CFAP70: variants seen among roughly 807,000 people sequenced by gnomAD.
The protein encoded by CFAP70 is cilia- and flagella-associated protein 70.
CFAP70 carries 81 observed loss-of-function variants against 137.6 expected under a neutral mutation model. That is an observed-to-expected ratio of 0.59 (90% CI 0.49 to 0.71). The LOEUF (loss-of-function observed/expected upper bound fraction) is 0.71, where lower values mean the gene tolerates loss of function less well. CFAP70 is among the 30% of genes least tolerant of loss of function. The pLI is 0.00. For synonymous variants in CFAP70, 382 were observed against 423.6 expected (o/e 0.90, Z 1.20); for missense variants, 976 against 1,226.7 (o/e 0.80, Z 3.05).
chr10:73,325,330 A>C (rs2051298469), intron 8 of CFAP70, among the ~76,000 whole-genome samples: 1 of 152,176 alleles, frequency 6.6e-6, no homozygotes, highest in African/African-American at 2.4e-5. Context: ...AGAGCTCCTG[A>C]AGGAAGCACT....
At chr10:73,345,841 G>C (rs1407391506) in intron 4 of CFAP70, among the ~76,000 whole-genome samples, 1 of 151,992 alleles carries the variant, frequency 6.6e-6, no homozygotes, top group East Asian at 1.9e-4. Context: ...ACATGAGTAA[G>C]TGAGATTGGG....
chr10:73,254,283 C>T (rs999861548), intron 26 of CFAP70: 11 of 355,280 alleles, frequency 3.1e-5, no homozygotes, highest in South Asian at 1.4e-4. Flanking sequence ...GCACTATGCA[C>T]GGTCATGATT....
intron 19 of CFAP70, among the ~76,000 whole-genome samples, chr10:73,287,131 C>A (rs565436606): frequency 5.0e-4 from 76 of 152,248 alleles, no homozygotes; most frequent in Admixed American, 4.7e-3. Context: ...GATTTGGGGG[C>A]CTGTTCCCAA....
At chr10:73,289,710 A>G (rs2048022804) in intron 19 of CFAP70, among the ~76,000 whole-genome samples, 1 of 152,182 alleles carries the variant, frequency 6.6e-6, no homozygotes, top group Admixed American at 6.5e-5. Flanking sequence ...AAATAAACAA[A>G]ATGCAAGTTG....
At chr10:73,359,050 A>G (rs145445569), upstream of CFAP70, among the ~76,000 whole-genome samples, 64 of 152,358 alleles carry the variant, frequency 4.2e-4, no homozygotes, top group African/African-American at 1.5e-3. Flanking sequence ...AGTTTAAAGA[A>G]AAAGGCCTTT....
chr10:73,345,004 G>A, intron 5 of CFAP70, 61 bp downstream of exon 6: 1 of 1,378,832 alleles, frequency 7.3e-7, no homozygotes, highest in Non-Finnish European at 1.0e-6. Context: ...GTGAGGAAGA[G>A]ATGGCCATAT....
chr10:73,335,298 A>C (rs2052539077), intron 7 of CFAP70, 132 bp downstream of exon 8: 2 of 583,218 alleles, frequency 3.4e-6, no homozygotes, highest in Non-Finnish European at 6.1e-6. Flanking sequence ...TCTAATATAT[A>C]GATGTGATAA....
At chr10:73,279,416 C>T (rs1383605823) in intron 19 of CFAP70, among the ~76,000 whole-genome samples, 1 of 151,422 alleles carries the variant, frequency 6.6e-6, no homozygotes, top group South Asian at 2.1e-4. Context: ...CCCAGCTACT[C>T]GGGAAGCTGA....
upstream of CFAP70, among the ~76,000 whole-genome samples, chr10:73,359,372 GCAGT>G (rs2054910723): frequency 6.6e-6 from 1 of 152,132 alleles, no homozygotes; most frequent in Admixed American, 6.6e-5. Flanking sequence ...CATATTACAA[GCAGT>G]CAAAGTTAAT....
exon 6 of CFAP70, chr10:73,341,465 G>C (rs1554921929): frequency 2.5e-6 from 4 of 1,614,188 alleles, no homozygotes; most frequent in Non-Finnish European, 3.4e-6. Flanking sequence ...CATCAGGAAT[G>C]TTATTAGCTC....
chr10:73,361,249 C>T (rs1368967161), upstream of CFAP70, among the ~76,000 whole-genome samples: 7 of 151,680 alleles, frequency 4.6e-5, no homozygotes, highest in South Asian at 4.2e-4. Context: ...CTGTCTCAGC[C>T]GCCTAAAGTG....
intron 11 of CFAP70, 109 bp from the exon 13 acceptor site, chr10:73,310,358 A>G: frequency 1.5e-6 from 1 of 650,168 alleles, no homozygotes. Flanking sequence ...CTGCATATAT[A>G]ACTACATATA....
intron 2 of CFAP70, 28 bp from the exon 3 acceptor site, chr10:73,353,770 A>C: frequency 6.2e-7 from 1 of 1,600,420 alleles, no homozygotes; most frequent in Non-Finnish European, 8.5e-7. Flanking sequence ...CCACTTTACA[A>C]TTATATTCAA....
intron 25 of CFAP70, among the ~76,000 whole-genome samples, chr10:73,264,568 A>G (rs1208402240): frequency 6.6e-6 from 1 of 152,186 alleles, no homozygotes; most frequent in African/African-American, 2.4e-5. Context: ...TATCCACAAC[A>G]TAATTATTTG....
At chr10:73,262,021 T>C (rs1390929773) in intron 25 of CFAP70, among the ~76,000 whole-genome samples, 1 of 144,002 alleles carries the variant, frequency 6.9e-6, no homozygotes, top group Admixed American at 7.0e-5. Flanking sequence ...TATATGTATA[T>C]ATTATATATG....
At chr10:73,338,373 G>A (rs984964990) in intron 6 of CFAP70, among the ~76,000 whole-genome samples, 9 of 151,100 alleles carry the variant, frequency 6.0e-5, no homozygotes, top group Admixed American at 4.6e-4. Context: ...TGATCTGCCC[G>A]CCTTGGCCTC....
upstream of CFAP70, among the ~76,000 whole-genome samples, chr10:73,360,486 C>G (rs937411404): frequency 1.3e-5 from 2 of 152,170 alleles, no homozygotes; most frequent in African/African-American, 4.8e-5. Flanking sequence ...GGCAACTTTT[C>G]TATACATTCG....
At chr10:73,273,109 C>G in intron 23 of CFAP70, 92 bp from the exon 25 acceptor site, 1 of 974,048 alleles carries the variant, frequency 1.0e-6, no homozygotes. Flanking sequence ...AATTGCTCTC[C>G]AGAACAATCT....
intron 6 of CFAP70, among the ~76,000 whole-genome samples, chr10:73,335,965 C>A (rs2052611561): frequency 6.6e-6 from 1 of 151,462 alleles, no homozygotes. Flanking sequence ...CAAAGTGAGA[C>A]CTCCATCTCT....
Sources: gnomAD v4.1 joint callset for allele counts (sites outside exome capture counted in the v4.1 genomes callset) on GRCh38, gnomAD v4.1.1 for gene constraint, MANE v1.5 for transcripts, NCBI Gene and HGNC (gene_info 2026-07-23, HGNC 2026-07-21) for gene names.